WDR27: variants seen among roughly 807,000 people sequenced by gnomAD.
WDR27 encodes the protein WD repeat-containing protein 27.
In WDR27, 100 loss-of-function variants were observed where a neutral mutation model predicts 114.4. That is an observed-to-expected ratio of 0.87 (90% confidence interval 0.74 to 1.03). The LOEUF is 1.03. Among genes scored for constraint, WDR27 ranks in the 50% least tolerant of loss-of-function variants. The pLI is 0.00. For synonymous variants in WDR27, 449 were observed against 423.1 expected (o/e 1.06, Z -0.75); for missense variants, 1,129 against 1,092.9 (o/e 1.03, Z -0.47).
At chr6:169,590,084 A>G (rs1432674621) in intron 23 of WDR27, among the ~76,000 whole-genome samples, 1 of 152,248 alleles carries the variant, frequency 6.6e-6, no homozygotes, top group Non-Finnish European at 1.5e-5. Context: ...GTACTACTGA[A>G]GAAGAGAAGT....
At chr6:169,439,296 T>C in the WDR27 span, among the ~76,000 whole-genome samples, 1 of 152,340 alleles carries the variant, frequency 6.6e-6, no homozygotes, top group Non-Finnish European at 1.5e-5. Flanking sequence ...ATGATTTTGG[T>C]TGTTATCTTA....
At chr6:169,523,865 C>T (rs949564057) in intron 25 of WDR27, among the ~76,000 whole-genome samples, 2 of 152,104 alleles carry the variant, frequency 1.3e-5, no homozygotes, top group Non-Finnish European at 2.9e-5. Context: ...GAAACCCTTT[C>T]CTCTAAGATT....
chr6:169,570,816 C>T (rs969205426), intron 25 of WDR27, among the ~76,000 whole-genome samples: 4 of 151,938 alleles, frequency 2.6e-5, no homozygotes, highest in Non-Finnish European at 4.4e-5. Flanking sequence ...GCCACAAGAG[C>T]GAAATTCCGT....
chr6:169,572,218 G>A (rs1487748158), intron 25 of WDR27, among the ~76,000 whole-genome samples: 1 of 152,134 alleles, frequency 6.6e-6, no homozygotes, highest in African/African-American at 2.4e-5. Context: ...ATAAAGAGAT[G>A]AAGGATATAA....
chr6:169,622,207 T>C (rs545494230), intron 21 of WDR27, among the ~76,000 whole-genome samples: 14 of 152,234 alleles, frequency 9.2e-5, no homozygotes, highest in Non-Finnish European at 1.8e-4. Flanking sequence ...CGAAGCAATG[T>C]TCATCTTATG....
At chr6:169,534,903 A>C (rs901277770) in intron 25 of WDR27, among the ~76,000 whole-genome samples, 3 of 151,926 alleles carry the variant, frequency 2.0e-5, no homozygotes, top group African/African-American at 7.2e-5. Flanking sequence ...ACTTAAGAAC[A>C]TGTTAGTATG....
At chr6:169,540,003 T>G (rs1458560355) in intron 25 of WDR27, among the ~76,000 whole-genome samples, 2 of 152,258 alleles carry the variant, frequency 1.3e-5, no homozygotes, top group Non-Finnish European at 2.9e-5. Flanking sequence ...AAATTTTGAA[T>G]GGCCATAGCC....
At chr6:169,637,848 CGT>C (rs1258013280) in intron 18 of WDR27, among the ~76,000 whole-genome samples, 2 of 130,462 alleles carry the variant, frequency 1.5e-5, no homozygotes, top group South Asian at 2.6e-4. Context: ...TGCATCTACA[CGT>C]GTGTGAATAT....
At chr6:169,688,286 A>G (rs1308983818) in intron 2 of WDR27, among the ~76,000 whole-genome samples, 1 of 152,218 alleles carries the variant, frequency 6.6e-6, no homozygotes, top group Non-Finnish European at 1.5e-5. Context: ...CGTAATGTAT[A>G]ATCACATTTA....
At chr6:169,439,830 T>TTA in the WDR27 span, among the ~76,000 whole-genome samples, 1 of 151,464 alleles carries the variant, frequency 6.6e-6, no homozygotes, top group Non-Finnish European at 1.5e-5. Flanking sequence ...TGGTTTTTAA[T>TTA]AGGATGCAAT....
intron 2 of WDR27, among the ~76,000 whole-genome samples, chr6:169,680,601 T>G (rs1296847196): frequency 6.6e-6 from 1 of 152,140 alleles, no homozygotes; most frequent in Non-Finnish European, 1.5e-5. Flanking sequence ...AAGAAGATAT[T>G]TTTCTTATTG....
chr6:169,624,401 C>T (rs1395781816), intron 21 of WDR27, among the ~76,000 whole-genome samples: 1 of 152,158 alleles, frequency 6.6e-6, no homozygotes, highest in African/African-American at 2.4e-5. Context: ...ATTCGAAGCT[C>T]ACCAGAGTGC....
intron 25 of WDR27, among the ~76,000 whole-genome samples, chr6:169,548,586 G>C (rs9396963): frequency 0.099 from 15,060 of 152,150 alleles, 1,814 homozygotes; most frequent in East Asian, 0.59. Flanking sequence ...ATACTGAGAA[G>C]AGCCAACTCA....
chr6:169,620,131 C>T (rs1218829960), intron 21 of WDR27, among the ~76,000 whole-genome samples: 2 of 152,154 alleles, frequency 1.3e-5, no homozygotes, highest in African/African-American at 4.8e-5. Flanking sequence ...GCCTAGTCCT[C>T]ACCCCTTTAG....
intron 25 of WDR27, among the ~76,000 whole-genome samples, chr6:169,531,453 T>G (rs1004114217): frequency 1.3e-5 from 2 of 152,156 alleles, no homozygotes; most frequent in Admixed American, 1.3e-4. Flanking sequence ...GACAATTCAG[T>G]AGTAACTTGT....
At chr6:169,478,783 C>T (rs377018241) in intron 25 of WDR27, among the ~76,000 whole-genome samples, 76 of 152,172 alleles carry the variant, frequency 5.0e-4, no homozygotes, top group African/African-American at 1.6e-3. Flanking sequence ...ATCTGATTTT[C>T]GACAAGGCTG....
intron 21 of WDR27, among the ~76,000 whole-genome samples, chr6:169,625,608 G>A (rs765468231): frequency 5.3e-5 from 8 of 152,342 alleles, no homozygotes; most frequent in South Asian, 4.1e-4. Flanking sequence ...AGTCAGCCCC[G>A]TTCACTGGGC....
chr6:169,517,937 G>T (rs7748536), intron 25 of WDR27, among the ~76,000 whole-genome samples: 54,459 of 152,078 alleles, frequency 0.36, 10,937 homozygotes, highest in African/African-American at 0.55. Context: ...ACAGATAACA[G>T]AGTTTATCCT....
intron 25 of WDR27, among the ~76,000 whole-genome samples, chr6:169,567,582 G>A (rs1239135832): frequency 6.6e-6 from 1 of 152,142 alleles, no homozygotes; most frequent in Non-Finnish European, 1.5e-5. Flanking sequence ...AGCCTAGGAG[G>A]TGCTTCCAAT....
Sources: gnomAD v4.1 joint callset for allele counts (sites outside exome capture counted in the v4.1 genomes callset) on GRCh38, gnomAD v4.1.1 for gene constraint, MANE v1.5 for transcripts, NCBI Gene and HGNC (gene_info 2026-07-23, HGNC 2026-07-21) for gene names.